Variants in KRT35 observed in about 807,000 individuals in gnomAD.
KRT35 encodes the protein keratin 35, also known as keratin, type I cuticular Ha5.
KRT35 carries 33 observed loss-of-function variants against 42.2 expected under a neutral mutation model. That is an observed-to-expected ratio of 0.78 (90% CI 0.59 to 1.05). The LOEUF is 1.05. Ranked by LOEUF, KRT35 falls within the 50% of genes least tolerant of loss-of-function variation. The pLI is 0.00. For synonymous variants in KRT35, 218 were observed against 238.2 expected (o/e 0.92, Z 0.78); for missense variants, 585 against 589.2 (o/e 0.99, Z 0.07).
At position 41,477,563 on chromosome 17, in the gene KRT35, C is replaced by T; in HGVS notation, c.1175G>A (p.Cys392Tyr). The change falls in exon 6 of 7, where the codon TGT (cysteine) becomes TAT (tyrosine). Residue 392 changes from cysteine to tyrosine, a missense_variant. Physicochemically the swap from Cys to Tyr is radical, Grantham distance 194. Coordinates refer to ENST00000246639, the MANE Select transcript of KRT35 (RefSeq NM_002280.6). The stretch of plus-strand genomic sequence containing the variant: ...CAGGCCCCGGTACGTGTTGATCTCA[C>T]ACTCCAGCCGGGCCCGGACGTCCAG... ...VLLDVRARLE[C>Y]EINTYRGLLE... The T allele has an allele frequency of 3.7e-6, 6 of 1,613,470 alleles. No homozygotes were observed. Among genetic ancestry groups the T allele is most frequent in the Non-Finnish European group, 5.1e-6 (6 of 1,179,890 alleles).
At position 41,478,453 on chromosome 17, in the gene KRT35, A is replaced by G. The variant is rs1241066695; in HGVS notation, c.907T>C (p.Ser303Pro). ...EELNQQVVSS[S>P]EQLQSCQAEI... ...GCCTGGCAGGACTGCAACTGCTCTG[A>G]GCTGGACACCACCTGCTGGTTCAGC... The change falls in exon 5 of 7, where the codon TCA becomes CCA. Residue 303 changes from serine to proline, a missense_variant. Physicochemically the swap from Ser to Pro is moderately conservative, Grantham distance 74. Coordinates refer to ENST00000246639, the MANE Select transcript of KRT35 (RefSeq NM_002280.6). 6.2e-7 allele frequency: 1 copy of G among 1,613,966 alleles called. No individual in the cohort carries two copies. Among genetic ancestry groups the G allele is most frequent in the African/African-American group, 1.3e-5 (1 of 74,906 alleles).
rs1334254886 is a variant in KRT35 at position 41,480,705 on chromosome 17, C to CTT, written c.392_393insAA (p.Trp132SerfsTer80). The CTT allele has an allele frequency of 2.5e-6, 4 of 1,614,248 alleles. No homozygotes were observed. Among genetic ancestry groups the CTT allele is most frequent in the Non-Finnish European group, 3.4e-6 (4 of 1,180,038 alleles). On this transcript the variant is annotated frameshift_variant, in exon 1 of 7. Coordinates refer to ENST00000246639, the MANE Select transcript of KRT35 (RefSeq NM_002280.6). LOFTEE classifies it high-confidence loss of function. ...TGTAGGGGACCTGCTGCTCACACCACTCACGGATGCGGCTCTCCAGGCTGG... is the reference window on the plus strand; with the variant it reads ...TGTAGGGGACCTGCTGCTCACACCACTTTCACGGATGCGGCTCTCCAGGCTGG...
At position 41,478,429 on chromosome 17, in the gene KRT35, C is replaced by A; in HGVS notation, c.931G>T (p.Ala311Ser). ...SSSEQLQSCQ[A>S]EIIELRRTVN... is the part of the protein sequence containing the mutation. Reference sequence around the variant, plus strand: ...GTGCGTCTCAGCTCGATGATCTCTGCCTGGCAGGACTGCAACTGCTCTGAG... The same window carrying A: ...GTGCGTCTCAGCTCGATGATCTCTGACTGGCAGGACTGCAACTGCTCTGAG... Residue 311 changes from alanine to serine, a missense_variant, in exon 5 of 7, where the codon GCA becomes TCA. Coordinates refer to ENST00000246639, the MANE Select transcript of KRT35 (RefSeq NM_002280.6). The A allele has an allele frequency of 3.7e-6, 6 of 1,614,126 alleles. No individual in the cohort carries two copies. Among genetic ancestry groups the A allele is most frequent in the Non-Finnish European group, 5.1e-6 (6 of 1,179,996 alleles).
intron 4 of KRT35, 129 bp downstream of exon 4, chr17:41,478,703 GTT>G: frequency 8.8e-7 from 1 of 1,140,802 alleles, no homozygotes; most frequent in South Asian, 1.5e-5. Context: ...AAGTGGGTCT[GTT>G]TTGACCTTGT....
At position 41,478,844 on chromosome 17, in the gene KRT35, A is replaced by C. The variant is rs752390825; in HGVS notation, c.863T>G (p.Leu288Trp). 1 of 1,613,296 alleles carries C rather than the reference A, an allele frequency of 6.2e-7. No homozygotes were observed. Among genetic ancestry groups the C allele is most frequent in the Non-Finnish European group, 8.5e-7 (1 of 1,179,524 alleles). The change falls in exon 4 of 7, where the codon TTG (leucine) becomes TGG (tryptophan). Residue 288 changes from leucine to tryptophan, a missense_variant. Physicochemically the swap from Leu to Trp is moderately conservative, Grantham distance 61. Transcript: ENST00000246639. ...ENNRRDAEDWLDTQSEELNQQ... is the reference protein window; with the variant it reads ...ENNRRDAEDWWDTQSEELNQQ... ...TTTCCAGGTACCTACCTGGGTGTCCAACCAGTCTTCAGCATCCCGGCGGTT... is the reference window on the plus strand; with the variant it reads ...TTTCCAGGTACCTACCTGGGTGTCCCACCAGTCTTCAGCATCCCGGCGGTT...
At position 41,478,716 on chromosome 17, in the gene KRT35, C is replaced by T. The variant is rs557228884; in HGVS notation, c.873+118G>A. 9 of 1,198,308 alleles carry T rather than the reference C, an allele frequency of 7.5e-6. No individual in the cohort carries two copies. In the African/African-American group the frequency reaches 1.3e-4, roughly 17 times the overall value. The allele number at this position is 1,198,308 out of a possible 1,614,324, so 74.2% of individuals were successfully genotyped here. A position where few individuals can be genotyped will look rare whatever the true frequency, so the allele number is the denominator to read the frequency against. The stretch of plus-strand genomic sequence containing the variant: ...TGAAGTGGGTCTGTTTTGACCTTGT[C>T]AGCAAGGTCAAAACAGAGATGGGAC... On this transcript the variant is annotated intron_variant, in intron 4 of 6. Transcript: ENST00000246639.
rs1241326451 is a variant in KRT35 at position 41,478,586 on chromosome 17, C to T, written c.874-100G>A. 32 of 1,420,436 alleles carry T rather than the reference C, an allele frequency of 2.3e-5. No individual in the cohort carries two copies. The South Asian group carries it at 3.1e-4, about 14-fold the overall frequency. 88.0% of individuals were successfully genotyped at this position (1,420,436 alleles called of 1,614,324 possible). On this transcript the variant is annotated intron_variant, in intron 4 of 6. Transcript: ENST00000246639. ...AATCATGAGCCAAGAAAGACATTCC[C>T]GATTCCCCAGTCCCACTCATTTATT...
At position 41,477,551 on chromosome 17, in the gene KRT35, G is replaced by A. The variant is rs199499602; in HGVS notation, c.1187C>T (p.Thr396Met). ...VRARLECEIN[T>M]YRGLLESEDS... ...CTCACTCTCCAGCAGGCCCCGGTAC[G>A]TGTTGATCTCACACTCCAGCCGGGC... is the stretch of plus-strand genomic sequence containing the variant. Residue 396 changes from threonine to methionine, a missense_variant, in exon 6 of 7, where the codon ACG (threonine) becomes ATG (methionine). Transcript: ENST00000246639. The A allele has an allele frequency of 3.9e-5, 63 of 1,613,848 alleles. No individual in the cohort carries two copies. Among genetic ancestry groups the A allele is most frequent in the East Asian group, 2.0e-4 (9 of 44,874 alleles).
Position 41,476,927 on chromosome 17 carries a change from C to G in KRT35, c.*129G>C. ...CTTTAGGGCATGTATTTGCAGAAAG[C>G]CTTTTCAGCCAGACCCTGGGCCTGG... On this transcript the variant is annotated 3_prime_UTR_variant, in exon 7 of 7. Coordinates refer to ENST00000246639, the MANE Select transcript of KRT35 (RefSeq NM_002280.6). 1 of 932,302 alleles carries G rather than the reference C, an allele frequency of 1.1e-6. No individual in the cohort carries two copies. Among genetic ancestry groups the G allele is most frequent in the Middle Eastern group, 3.6e-4 (1 of 2,796 alleles). 57.8% of individuals were successfully genotyped at this position (932,302 alleles called of 1,614,324 possible).
chr17:41,480,545 C>T (rs2019237064), intron 1 of KRT35, 82 bp downstream of exon 1: 1 of 1,101,090 alleles, frequency 9.1e-7, no homozygotes, highest in Non-Finnish European at 1.3e-6. Context: ...TGACTTCCAA[C>T]ATGCCCTATG....
At chr17:41,477,258 C>A in intron 6 of KRT35, 55 bp from the exon 7 acceptor site, 1 of 1,583,696 alleles carries the variant, frequency 6.3e-7, no homozygotes, top group Non-Finnish European at 8.7e-7. Context: ...TGCAGTAACT[C>A]AAAGTAGATC....
At chr17:41,477,821 G>T in intron 5 of KRT35, 83 bp from the exon 6 acceptor site, 1 of 1,485,002 alleles carries the variant, frequency 6.7e-7, no homozygotes, top group Non-Finnish European at 9.1e-7. Flanking sequence ...TGGAGCTATA[G>T]CGGGCCTCCG....
At chr17:41,479,636 C>T (rs748869083) in intron 2 of KRT35, 63 bp downstream of exon 2, 76 of 1,574,330 alleles carry the variant, frequency 4.8e-5, no homozygotes, top group African/African-American at 6.7e-5. Context: ...AAACCCTGAG[C>T]TCAGGCATCA....
intron 4 of KRT35, 93 bp from the exon 5 acceptor site, chr17:41,478,579 A>G: frequency 6.8e-7 from 1 of 1,462,756 alleles, no homozygotes; most frequent in African/African-American, 1.4e-5. Context: ...GCCAAGAAAG[A>G]CATTCCCGAT....
At chr17:41,479,121 G>T (rs886560158) in intron 3 of KRT35, 126 bp from the exon 4 acceptor site, 9 of 1,004,768 alleles carry the variant, frequency 9.0e-6, no homozygotes, top group Non-Finnish European at 1.3e-5. Context: ...ATGCTCATCT[G>T]CTCCCCATGC....
At chr17:41,479,576 T>C (rs2019227148) in intron 2 of KRT35, 73 bp from the exon 3 acceptor site, 2 of 1,583,630 alleles carry the variant, frequency 1.3e-6, no homozygotes, top group Non-Finnish European at 1.7e-6. Context: ...CCTCAGACTG[T>C]CCAGGTGCTG....
At chr17:41,478,785 T>C (rs370967759) in intron 4 of KRT35, 49 bp downstream of exon 4, 1 of 1,550,306 alleles carries the variant, frequency 6.5e-7, no homozygotes, top group East Asian at 2.3e-5. Flanking sequence ...GTCACTTCCA[T>C]GTGAGCCACC....
At chr17:41,480,015 A>C (rs1455737002) in intron 1 of KRT35, among the ~76,000 whole-genome samples, 1 of 152,156 alleles carries the variant, frequency 6.6e-6, no homozygotes, top group Admixed American at 6.6e-5. Flanking sequence ...AGCTGCATGA[A>C]AATGCAACAG....
Position 41,477,125 on chromosome 17 carries a change from A to G in KRT35, c.1299T>C (p.Gly433=). 1 of 1,612,940 alleles carries G rather than the reference A, an allele frequency of 6.2e-7. No individual in the cohort carries two copies. The highest frequency in any genetic ancestry group is 8.5e-7 in the Non-Finnish European group (1 of 1,179,404). The change falls in exon 7 of 7, where the codon GGT becomes GGC. Residue 433 remains glycine, a synonymous_variant. Transcript: ENST00000246639. The part of the protein sequence containing the change: ...CLPCLPAASC[G]PSAARTNCSP... ...TGCAGTTTGTGCGGGCTGCACTAGG[A>G]CCGCAGGAGGCCGCAGGAAGACAGG...
Sources: allele counts gnomAD v4.1 joint callset (sites outside exome capture counted in the v4.1 genomes callset), GRCh38; gene constraint gnomAD v4.1.1; transcripts MANE v1.5; gene names NCBI Gene and HGNC (gene_info 2026-07-23, HGNC 2026-07-21).